The following LIFR variants were observed in gnomAD, a reference collection of about 807,000 sequenced individuals.
LIFR encodes the protein leukemia inhibitory factor receptor.
In LIFR, 84 loss-of-function variants were observed where a neutral mutation model predicts 122.2. The ratio of observed to expected loss-of-function variants is 0.69; its 90% CI spans 0.58 to 0.82. The LOEUF (loss-of-function observed/expected upper bound fraction) is 0.82, where lower values mean the gene tolerates loss of function less well. Ranked by LOEUF, LIFR falls within the 40% of genes least tolerant of loss-of-function variation. LIFR has a pLI of 0.00. For missense variants in LIFR, 1,294 were observed against 1,311.6 expected (o/e 0.99, Z 0.21); for synonymous variants, 422 against 434.7 (o/e 0.97, Z 0.36).
At chr5:38,499,090 T>A (rs1280145730) in intron 12 of LIFR, among the ~76,000 whole-genome samples, 1 of 152,126 alleles carries the variant, frequency 6.6e-6, no homozygotes, top group South Asian at 2.1e-4. Context: ...TACAAAATCA[T>A]ACAAAACTTT....
chr5:38,549,344 A>G (rs1271163431), intron 1 of LIFR, among the ~76,000 whole-genome samples: 1 of 151,952 alleles, frequency 6.6e-6, no homozygotes, highest in African/African-American at 2.4e-5. Flanking sequence ...CTGCTTTTTC[A>G]GTTTACAAAT....
chr5:38,521,059 C>A (rs1054826547), intron 5 of LIFR, among the ~76,000 whole-genome samples: 1 of 152,138 alleles, frequency 6.6e-6, no homozygotes, highest in Admixed American at 6.5e-5. Flanking sequence ...GATATTAATT[C>A]TTCCAATCTG....
upstream of LIFR, among the ~76,000 whole-genome samples, chr5:38,596,807 T>A (rs1348117089): frequency 1.3e-5 from 2 of 152,218 alleles, no homozygotes; most frequent in Non-Finnish European, 2.9e-5. Context: ...ATCAACACTG[T>A]CCTTTCCTCA....
intron 1 of LIFR, among the ~76,000 whole-genome samples, chr5:38,555,989 G>C (rs1432092043): frequency 6.6e-6 from 1 of 152,204 alleles, no homozygotes; most frequent in Admixed American, 6.5e-5. Flanking sequence ...TTAAAGGGGA[G>C]TTGAAGCAGA....
intron 4 of LIFR, among the ~76,000 whole-genome samples, chr5:38,525,902 A>G (rs1746652982): frequency 6.6e-6 from 1 of 152,198 alleles, no homozygotes; most frequent in African/African-American, 2.4e-5. Context: ...CATCTTTAAA[A>G]TGCTTCCCTC....
chr5:38,598,726 G>T (rs1474159044), upstream of LIFR, among the ~76,000 whole-genome samples: 1 of 152,072 alleles, frequency 6.6e-6, no homozygotes, highest in Middle Eastern at 3.2e-3. Flanking sequence ...ACACTGGGCT[G>T]CTTACCCCTT....
chr5:38,499,280 T>C (rs1361251600), intron 12 of LIFR, among the ~76,000 whole-genome samples: 1 of 152,148 alleles, frequency 6.6e-6, no homozygotes, highest in East Asian at 1.9e-4. Flanking sequence ...TTACAGGCCT[T>C]ATAAGATCAA....
intron 1 of LIFR, among the ~76,000 whole-genome samples, chr5:38,606,577 G>A (rs767876115): frequency 6.6e-6 from 1 of 152,170 alleles, no homozygotes; most frequent in African/African-American, 2.4e-5. Context: ...GGCACCTACT[G>A]TTTAAAAATA....
intron 1 of LIFR, among the ~76,000 whole-genome samples, chr5:38,588,412 G>A (rs1167196005): frequency 1.6e-4 from 25 of 152,194 alleles, no homozygotes; most frequent in Admixed American, 1.6e-3. Context: ...TGATGAGACT[G>A]TCTAATCATT....
chr5:38,498,156 T>C (rs1302927782), intron 12 of LIFR, among the ~76,000 whole-genome samples: 1 of 152,186 alleles, frequency 6.6e-6, no homozygotes, highest in Non-Finnish European at 1.5e-5. Context: ...TCTGTGATGC[T>C]CCAAATGGCC....
At chr5:38,504,736 C>T (rs1041976614) in intron 9 of LIFR, among the ~76,000 whole-genome samples, 1 of 152,090 alleles carries the variant, frequency 6.6e-6, no homozygotes, top group Non-Finnish European at 1.5e-5. Context: ...GCTGAAATGG[C>T]AGAGGGCAGA....
intron 2 of LIFR, among the ~76,000 whole-genome samples, chr5:38,602,731 G>A (rs1443356944): frequency 6.6e-6 from 1 of 152,162 alleles, no homozygotes; most frequent in Non-Finnish European, 1.5e-5. Context: ...TAGTTAGACA[G>A]GCAAGAGTGG....
At position 38,507,550 on chromosome 5, in the gene LIFR, C is replaced by T. The variant is rs187535786; in HGVS notation, c.992-918G>A. On this transcript the variant is annotated intron_variant, in intron 7 of 19. Transcript: ENST00000453190. ...CTGGAATCTGGTCTGGGCGACAGAG[C>T]GATACTCCGTCTCAAAAAAAAAAAA... Among the ~76,000 whole-genome samples the T allele has an allele frequency of 3.3e-4, 38 of 114,292 alleles. No individual in the cohort carries two copies. In the East Asian group the frequency reaches 7.4e-3, roughly 22 times the overall value. The allele number at this position is 114,292 out of a possible 152,430, so 75.0% of individuals were successfully genotyped here.
chr5:38,486,012 T>C (rs1197267624), intron 16 of LIFR, 32 bp from the exon 17 acceptor site: 2 of 1,591,858 alleles, frequency 1.3e-6, no homozygotes, highest in Admixed American at 3.3e-5. Context: ...TTAGCACTAA[T>C]CTCTAACCCG....
At chr5:38,519,141 A>G (rs979450559) in intron 5 of LIFR, among the ~76,000 whole-genome samples, 8 of 152,178 alleles carry the variant, frequency 5.3e-5, no homozygotes, top group African/African-American at 1.7e-4. Context: ...AGCTAAGGTT[A>G]ATTTATTACC....
At chr5:38,587,882 T>C (rs1017382922) in intron 1 of LIFR, among the ~76,000 whole-genome samples, 1 of 152,234 alleles carries the variant, frequency 6.6e-6, no homozygotes, top group African/African-American at 2.4e-5. Flanking sequence ...ATGTATCTAG[T>C]GCTTACCATG....
At chr5:38,581,304 G>T (rs1749575052) in intron 1 of LIFR, among the ~76,000 whole-genome samples, 1 of 152,026 alleles carries the variant, frequency 6.6e-6, no homozygotes, top group South Asian at 2.1e-4. Context: ...TTCCTAGCAG[G>T]ACGTTTAAGA....
chr5:38,500,607 T>C (rs1745125197), intron 11 of LIFR, among the ~76,000 whole-genome samples: 1 of 152,244 alleles, frequency 6.6e-6, no homozygotes, highest in African/African-American at 2.4e-5. Flanking sequence ...TCTTGGAGCA[T>C]TTCAGGTTTT....
At position 38,480,413 on chromosome 5, in the gene LIFR, A is replaced by C. The variant is rs1345308919; in HGVS notation, c.*1182T>G. The C allele has an allele frequency of 1.8e-5, 4 of 223,116 alleles. No homozygotes were observed. Among genetic ancestry groups the C allele is most frequent in the African/African-American group, 8.9e-5 (4 of 44,764 alleles). 13.8% of individuals were successfully genotyped at this position (223,116 alleles called of 1,614,324 possible). Reference sequence around the variant, plus strand: ...GCAACACAGGTATGCCCATGGATTCAGATCAGTTTATGACAGTTACTAAGA... The same window carrying C: ...GCAACACAGGTATGCCCATGGATTCCGATCAGTTTATGACAGTTACTAAGA... On this transcript the variant is annotated 3_prime_UTR_variant, in exon 20 of 20. Coordinates refer to ENST00000453190, the MANE Select transcript of LIFR (RefSeq NM_001127671.2).
Sources: gnomAD v4.1 joint callset for allele counts (sites outside exome capture counted in the v4.1 genomes callset) on GRCh38, gnomAD v4.1.1 for gene constraint, MANE v1.5 for transcripts, NCBI Gene and HGNC (gene_info 2026-07-23, HGNC 2026-07-21) for gene names.